RUNDC3B: variants seen among roughly 807,000 people sequenced by gnomAD.
RUNDC3B encodes the protein RUN domain containing 3B.
In RUNDC3B, 33 loss-of-function variants were observed where a neutral mutation model predicts 58.4. The ratio of observed to expected loss-of-function variants is 0.56; its 90% CI spans 0.43 to 0.75. The LOEUF (loss-of-function observed/expected upper bound fraction) is 0.75. Among genes scored for constraint, RUNDC3B ranks in the 30% least tolerant of loss-of-function variants. The pLI is 0.00. For missense variants in RUNDC3B, 501 were observed against 535.7 expected, an observed-to-expected ratio of 0.94 and a Z score of 0.64; for synonymous variants, 193 against 195.2, an observed-to-expected ratio of 0.99 and a Z score of 0.10.
At chr7:87,705,422 T>C (rs888811708) in intron 3 of RUNDC3B, among the ~76,000 whole-genome samples, 1 of 152,154 alleles carries the variant, frequency 6.6e-6, no homozygotes, top group African/African-American at 2.4e-5. Context: ...CGAGACTCCA[T>C]CTAAGAAAAC....
chr7:87,639,046 G>A (rs1395976864), intron 1 of RUNDC3B, among the ~76,000 whole-genome samples: 5 of 151,692 alleles, frequency 3.3e-5, no homozygotes, highest in Admixed American at 1.3e-4. Flanking sequence ...CAGCTACTCC[G>A]GAGGCTGAGG....
intron 8 of RUNDC3B, among the ~76,000 whole-genome samples, chr7:87,794,755 CA>C (rs900994576): frequency 4.6e-5 from 7 of 151,650 alleles, no homozygotes; most frequent in African/African-American, 1.7e-4. Context: ...CTATCATAAC[CA>C]AAAAAGCATG....
chr7:87,683,013 C>T (rs1827079004), intron 2 of RUNDC3B, among the ~76,000 whole-genome samples: 1 of 152,220 alleles, frequency 6.6e-6, no homozygotes, highest in Non-Finnish European at 1.5e-5. Flanking sequence ...TAAGTTAGCA[C>T]AACTTCTCCA....
At chr7:87,746,939 G>A (rs1832674035) in intron 6 of RUNDC3B, among the ~76,000 whole-genome samples, 2 of 152,098 alleles carry the variant, frequency 1.3e-5, no homozygotes, top group East Asian at 1.9e-4. Context: ...TCCATGATTA[G>A]CGTAATGACT....
intron 8 of RUNDC3B, among the ~76,000 whole-genome samples, chr7:87,793,412 T>C (rs571970052): frequency 6.6e-6 from 1 of 152,138 alleles, no homozygotes; most frequent in South Asian, 2.1e-4. Flanking sequence ...AGAACATTGA[T>C]GCAGAAATCC....
intron 6 of RUNDC3B, among the ~76,000 whole-genome samples, chr7:87,752,829 C>T (rs376664465): frequency 1.3e-5 from 2 of 151,910 alleles, no homozygotes; most frequent in Non-Finnish European, 2.9e-5. Flanking sequence ...AAAACCAGCT[C>T]CTGGATTCAT....
chr7:87,657,590 C>G (rs574702753), intron 2 of RUNDC3B, among the ~76,000 whole-genome samples: 3 of 152,276 alleles, frequency 2.0e-5, no homozygotes, highest in South Asian at 2.1e-4. Flanking sequence ...CCAACACCCC[C>G]CTTCCCACAA....
intron 4 of RUNDC3B, among the ~76,000 whole-genome samples, chr7:87,733,083 A>T (rs907013806): frequency 7.5e-4 from 115 of 152,340 alleles, no homozygotes; most frequent in African/African-American, 2.7e-3. Flanking sequence ...TAGAAGAGCC[A>T]TGGCAAGATG....
chr7:87,685,495 T>A (rs1364039869), intron 2 of RUNDC3B, among the ~76,000 whole-genome samples: 1 of 150,444 alleles, frequency 6.6e-6, no homozygotes, highest in African/African-American at 2.4e-5. Flanking sequence ...CTGGACAAAC[T>A]CAGTAATAAA....
At position 87,648,198 on chromosome 7, in the gene RUNDC3B, AAAAG is replaced by A. The variant is rs931311392; in HGVS notation, c.123-2612_123-2609del. Among the ~76,000 whole-genome samples the A allele has an allele frequency of 5.9e-5, 9 of 151,846 alleles. No homozygotes were observed. The East Asian group carries it at 7.7e-4, about 13-fold the overall frequency. On this transcript the variant is annotated intron_variant, in intron 1 of 10. Coordinates refer to ENST00000394654, the MANE Select transcript of RUNDC3B (RefSeq NM_001134405.2). ...AGACTCTGTCTCAAAAAAAAAAAAA[AAAAG>A]AAAGAAAGAAATGGAAAATGATAAT...
chr7:87,660,021 A>G (rs1563111045), intron 2 of RUNDC3B, among the ~76,000 whole-genome samples: 1 of 152,106 alleles, frequency 6.6e-6, no homozygotes, highest in Non-Finnish European at 1.5e-5. Context: ...GTTTGATAAC[A>G]TTTTAGAGGT....
At chr7:87,757,663 A>G (rs1833444824) in intron 6 of RUNDC3B, among the ~76,000 whole-genome samples, 2 of 152,180 alleles carry the variant, frequency 1.3e-5, no homozygotes, top group Admixed American at 1.3e-4. Flanking sequence ...AGAAAAAATT[A>G]TACAAAATTA....
chr7:87,785,906 A>G (rs1312869444), intron 8 of RUNDC3B, among the ~76,000 whole-genome samples: 1 of 152,064 alleles, frequency 6.6e-6, no homozygotes, highest in Non-Finnish European at 1.5e-5. Context: ...TTTTATAGTT[A>G]GGATCCCCGA....
intron 2 of RUNDC3B, among the ~76,000 whole-genome samples, chr7:87,654,782 G>A (rs79584784): frequency 0.039 from 5,943 of 152,048 alleles, 163 homozygotes; most frequent in South Asian, 0.063. Flanking sequence ...TACAAAAAGG[G>A]AAGAAATATT....
At chr7:87,701,853 A>G (rs1010997739) in intron 3 of RUNDC3B, among the ~76,000 whole-genome samples, 1 of 152,176 alleles carries the variant, frequency 6.6e-6, no homozygotes, top group Non-Finnish European at 1.5e-5. Context: ...AATGTAAAAC[A>G]GAGATACTGG....
chr7:87,718,935 T>A (rs1830710931), intron 4 of RUNDC3B, among the ~76,000 whole-genome samples: 2 of 152,062 alleles, frequency 1.3e-5, no homozygotes, highest in Admixed American at 6.6e-5. Context: ...TATTTGTAGA[T>A]GATAAGGTTT....
chr7:87,700,502 A>G lies in RUNDC3B; in HGVS notation c.320A>G (p.Asn107Ser), dbSNP rs1828937939. ...GTGGCTTGCCGGAAAGTTTCACAGA[A>G]TTGTATCTGCAGCATTGAAAATATG... Reference protein sequence around the residue: ...IRVACRKVSQNCICSIENMEN... With the variant: ...IRVACRKVSQSCICSIENMEN... Residue 107 changes from asparagine to serine, a missense_variant, in exon 3 of 11, where the codon AAT becomes AGT. Coordinates refer to ENST00000394654, the MANE Select transcript of RUNDC3B (RefSeq NM_001134405.2). 1 of 1,613,676 alleles carries G rather than the reference A, an allele frequency of 6.2e-7. No homozygotes were observed. The highest frequency in any genetic ancestry group is 8.5e-7 in the Non-Finnish European group (1 of 1,179,752).
chr7:87,733,718 T>A (rs977708942), intron 4 of RUNDC3B, among the ~76,000 whole-genome samples: 1 of 152,096 alleles, frequency 6.6e-6, no homozygotes, highest in Admixed American at 6.5e-5. Flanking sequence ...GCAACCTAGA[T>A]CTTTAACATG....
At chr7:87,788,101 G>T (rs1252616426) in intron 8 of RUNDC3B, among the ~76,000 whole-genome samples, 2 of 152,168 alleles carry the variant, frequency 1.3e-5, no homozygotes, top group African/African-American at 2.4e-5. Context: ...ATTTTAAAAG[G>T]CATTGACAAA....
Sources: allele counts gnomAD v4.1 joint callset (sites outside exome capture counted in the v4.1 genomes callset), GRCh38; gene constraint gnomAD v4.1.1; transcripts MANE v1.5; gene names NCBI Gene and HGNC (gene_info 2026-07-23, HGNC 2026-07-21).